Variants in FRMPD1 observed in about 807,000 individuals in gnomAD.
FRMPD1 encodes the protein FERM and PDZ domain-containing protein 1.
FRMPD1 carries 76 observed loss-of-function variants against 117.8 expected under a neutral mutation model. The ratio of observed to expected loss-of-function variants is 0.65; its 90% CI spans 0.54 to 0.78. The LOEUF is 0.78. Ranked by LOEUF, FRMPD1 falls within the 30% of genes least tolerant of loss-of-function variation. The pLI is 0.00. For missense variants in FRMPD1, 1,786 were observed against 1,964.5 expected (o/e 0.91, Z 1.72); for synonymous variants, 783 against 770.4 (o/e 1.02, Z -0.27).
intron 7 of FRMPD1, among the ~76,000 whole-genome samples, chr9:37,729,315 A>C (rs563377019): frequency 7.1e-6 from 1 of 140,016 alleles, no homozygotes; most frequent in Non-Finnish European, 1.5e-5. Flanking sequence ...CCCAGGAGGC[A>C]AGGGTTGTAG....
chr9:37,626,634 A>AAAAAAAAAAAAAAAAAAAAAAAAAAAAC, the FRMPD1 span, among the ~76,000 whole-genome samples: 2 of 141,924 alleles, frequency 1.4e-5, 1 homozygote, highest in Non-Finnish European at 3.1e-5. Context: ...AAAAAAAAAA[A>AAAAAAAAAAAAAAAAAAAAAAAAAAAAC]AAAAAAAAGC....
chr9:37,744,697 G>T lies in FRMPD1; in HGVS notation c.2665G>T (p.Asp889Tyr). Residue 889 changes from aspartate to tyrosine, a missense_variant, in exon 16 of 16, where the codon GAC (aspartate) becomes TAC (tyrosine). By Grantham distance (160) the Asp-to-Tyr change is radical (BLOSUM62 -3). Coordinates refer to ENST00000377765, the MANE Select transcript of FRMPD1 (RefSeq NM_014907.3). ...CTCCCCAACTGTGTCCTCTCTGCAG[G>T]ACATGCAGGGTGAGCCTGGCCTTCT... ...APSPTVSSLQ[D>Y]MQGEPGLLET... 6.2e-7 allele frequency: 1 copy of T among 1,614,022 alleles called. No homozygotes were observed. Among genetic ancestry groups the T allele is most frequent in the Non-Finnish European group, 8.5e-7 (1 of 1,180,014 alleles).
chr9:37,740,067 C>G lies in FRMPD1; in HGVS notation c.1550-11C>G. On this transcript the variant is annotated splice_polypyrimidine_tract_variant and intron_variant, in intron 14 of 15. Coordinates refer to ENST00000377765, the MANE Select transcript of FRMPD1 (RefSeq NM_014907.3). The surrounding 1 kb of genome is among the most constrained non-coding windows in gnomAD (Gnocchi z 4.2). ...TCTGTTGTGTAACTGTTGCTGTACC[C>G]TGTGTTGCAGGCTATGAATCCAGGG... 1 of 1,569,090 alleles carries G rather than the reference C, an allele frequency of 6.4e-7. No individual in the cohort carries two copies. The highest frequency in any genetic ancestry group is 8.7e-7 in the Non-Finnish European group (1 of 1,153,008).
chr9:37,680,130 T>G (rs1395610035), intron 1 of FRMPD1, among the ~76,000 whole-genome samples: 1 of 152,166 alleles, frequency 6.6e-6, no homozygotes. Context: ...CCCTATTAGA[T>G]CTGCCTGTTC....
chr9:37,696,284 C>T (rs1418951915), intron 2 of FRMPD1, among the ~76,000 whole-genome samples: 1 of 151,874 alleles, frequency 6.6e-6, no homozygotes, highest in Non-Finnish European at 1.5e-5. Context: ...GGGTACTTAC[C>T]TGCTCATCAC....
At chr9:37,671,205 C>G (rs574514547) in intron 1 of FRMPD1, among the ~76,000 whole-genome samples, 1 of 152,324 alleles carries the variant, frequency 6.6e-6, no homozygotes, top group African/African-American at 2.4e-5. Context: ...GAGCTGTTTT[C>G]CCTCTCACTC....
intron 7 of FRMPD1, among the ~76,000 whole-genome samples, chr9:37,728,753 G>A (rs911522550): frequency 1.3e-5 from 2 of 151,810 alleles, no homozygotes; most frequent in Admixed American, 6.6e-5. Context: ...ACCTGAGGTC[G>A]GGAGTTCGAG....
At chr9:37,621,182 C>T in the FRMPD1 span, among the ~76,000 whole-genome samples, 3 of 152,174 alleles carry the variant, frequency 2.0e-5, no homozygotes, top group East Asian at 5.8e-4. Context: ...AGGCAGGGGA[C>T]AGGAAAGGCC....
At chr9:37,726,131 G>A (rs561565761) in intron 7 of FRMPD1, among the ~76,000 whole-genome samples, 21 of 152,278 alleles carry the variant, frequency 1.4e-4, no homozygotes, top group African/African-American at 4.8e-4. Flanking sequence ...TTATTTATCT[G>A]TAATAGCCAA....
At chr9:37,649,468 G>A (rs1198517865), upstream of FRMPD1, among the ~76,000 whole-genome samples, 1 of 152,220 alleles carries the variant, frequency 6.6e-6, no homozygotes, top group Non-Finnish European at 1.5e-5. Context: ...CTGGGTGGCA[G>A]AGGGCTGGGG....
At chr9:37,633,495 T>C in the FRMPD1 span, among the ~76,000 whole-genome samples, 8 of 152,260 alleles carry the variant, frequency 5.3e-5, no homozygotes, top group African/African-American at 1.9e-4. Flanking sequence ...GTTTTATTTG[T>C]ATCAAAGTAA....
rs1269808826 is a variant in FRMPD1, at chr9:37,745,340, A to G, written c.3308A>G (p.Glu1103Gly). Residue 1103 changes from glutamate to glycine, a missense_variant, in exon 16 of 16, where the codon GAG (glutamate) becomes GGG (glycine). Glu to Gly is a moderately conservative substitution (Grantham distance 98). Coordinates refer to ENST00000377765, the MANE Select transcript of FRMPD1 (RefSeq NM_014907.3). The stretch of plus-strand genomic sequence containing the variant: ...ATAGCTTCTATCCCTACAAAGGAAG[A>G]GCCACAAGGACAACTATCTCTGGAA... ...EKIASIPTKEEPQGQLSLERD... is the reference protein window; with the variant it reads ...EKIASIPTKEGPQGQLSLERD... The G allele has an allele frequency of 6.2e-7, 1 of 1,613,268 alleles. No individual in the cohort carries two copies. The highest frequency in any genetic ancestry group is 1.7e-5 in the Admixed American group (1 of 60,036).
At chr9:37,675,284 T>C (rs1257323647) in intron 1 of FRMPD1, among the ~76,000 whole-genome samples, 1 of 151,204 alleles carries the variant, frequency 6.6e-6, no homozygotes. Flanking sequence ...TGAATCGGAG[T>C]GGTGGCGCAC....
chr9:37,697,436 A>T (rs372985733), intron 2 of FRMPD1, among the ~76,000 whole-genome samples: 1 of 151,264 alleles, frequency 6.6e-6, no homozygotes, highest in Non-Finnish European at 1.5e-5. Flanking sequence ...GCGTGGTGGC[A>T]GGCGCCTGTA....
the FRMPD1 span, chr9:37,636,558 T>C: frequency 3.0e-6 from 2 of 658,380 alleles, no homozygotes; most frequent in Non-Finnish European, 5.0e-6. Flanking sequence ...CAGAGGGAGA[T>C]GGGGAGCCCA....
In FRMPD1 at chr9:37,745,276, C is replaced by G. The variant is rs1375277295; in HGVS notation, c.3244C>G (p.Pro1082Ala). 6.2e-7 allele frequency: 1 copy of G among 1,611,700 alleles called. No homozygotes were observed. Among genetic ancestry groups the G allele is most frequent in the Non-Finnish European group, 8.5e-7 (1 of 1,177,958 alleles). ...TEPLLSPRDEPRSDECGINPG... is the reference protein window; with the variant it reads ...TEPLLSPRDEARSDECGINPG... Reference sequence around the variant, plus strand: ...GCCTTTGTTGTCTCCTAGAGATGAGCCTAGAAGTGATGAATGTGGAATAAA... The same window carrying G: ...GCCTTTGTTGTCTCCTAGAGATGAGGCTAGAAGTGATGAATGTGGAATAAA... Residue 1082 changes from proline (P) to alanine (A), a missense_variant, in exon 16 of 16, where the codon CCT becomes GCT. Pro to Ala is a conservative substitution (Grantham distance 27, BLOSUM62 -1). Transcript: ENST00000377765.
Position 37,711,331 on chromosome 9 carries a change from T to C in FRMPD1, c.363-19T>C, listed in dbSNP as rs755480314. The C allele has an allele frequency of 3.8e-6, 6 of 1,573,576 alleles. No homozygotes were observed. Among genetic ancestry groups the C allele is most frequent in the Non-Finnish European group, 5.2e-6 (6 of 1,143,356 alleles). On this transcript the variant is annotated intron_variant, in intron 4 of 15. Coordinates refer to ENST00000377765, the MANE Select transcript of FRMPD1 (RefSeq NM_014907.3). Reference sequence around the variant, plus strand: ...GCAGAACGACTAAATGTTTTTGTCTTTATTCTTTCTTTTTTCAGGGAAGCA... The same window carrying C: ...GCAGAACGACTAAATGTTTTTGTCTCTATTCTTTCTTTTTTCAGGGAAGCA...
chr9:37,700,156 T>A (rs1022286122), intron 2 of FRMPD1, among the ~76,000 whole-genome samples: 1 of 152,216 alleles, frequency 6.6e-6, no homozygotes, highest in Admixed American at 6.5e-5. Context: ...GTAGAGAGAT[T>A]TGAGGGTAGT....
upstream of FRMPD1, among the ~76,000 whole-genome samples, chr9:37,646,221 T>C (rs1824137986): frequency 6.6e-6 from 1 of 152,250 alleles, no homozygotes; most frequent in African/African-American, 2.4e-5. Flanking sequence ...ACATACAGTT[T>C]ATGTGGTGTA....
Sources: allele counts gnomAD v4.1 joint callset (sites outside exome capture counted in the v4.1 genomes callset), GRCh38; gene constraint gnomAD v4.1.1; non-coding constraint Gnocchi (gnomAD v3.1); transcripts MANE v1.5; gene names NCBI Gene and HGNC (gene_info 2026-07-23, HGNC 2026-07-21).